LIN7B: variants seen among roughly 807,000 people sequenced by gnomAD.
LIN7B encodes the protein protein lin-7 homolog B.
In LIN7B, 16 loss-of-function variants were observed where a neutral mutation model predicts 27.9. The ratio of observed to expected loss-of-function variants is 0.57; its 90% confidence interval spans 0.39 to 0.87. The LOEUF (loss-of-function observed/expected upper bound fraction) is 0.87. Among genes scored for constraint, LIN7B ranks in the 40% least tolerant of loss-of-function variants. LIN7B has a pLI of 0.00. For synonymous variants in LIN7B, 147 were observed against 120.8 expected (o/e 1.22, Z -1.42); for missense variants, 291 against 288.5 (o/e 1.01, Z -0.06).
intron 1 of LIN7B, 162 bp downstream of exon 1, chr19:49,114,603 C>G: frequency 1.9e-6 from 1 of 532,022 alleles, no homozygotes; most frequent in Non-Finnish European, 2.8e-6. Context: ...GTGTGGGAGG[C>G]TCCCTGGGCG....
At chr19:49,117,802 G>C (rs974636071) in intron 4 of LIN7B, 53 bp from the exon 5 acceptor site, 9 of 1,539,688 alleles carry the variant, frequency 5.8e-6, no homozygotes, top group Non-Finnish European at 7.2e-6. Context: ...CCCAGTGGGG[G>C]CTGGACGAGG....
At chr19:49,116,066 T>A (rs1025769651) in intron 3 of LIN7B, 197 bp from the exon 4 acceptor site, 1 of 559,352 alleles carries the variant, frequency 1.8e-6, no homozygotes, top group African/African-American at 1.9e-5. Flanking sequence ...ACACACCAAA[T>A]GGACACTTTC....
intron 3 of LIN7B, 191 bp from the exon 4 acceptor site, chr19:49,116,072 C>T (rs1413652423): frequency 3.5e-6 from 2 of 564,992 alleles, no homozygotes; most frequent in Non-Finnish European, 6.3e-6. Context: ...CAAATGGACA[C>T]TTTCTCTTGC....
rs201977578 is a variant in LIN7B at position 49,117,893 on chromosome 19, G to C, written c.477G>C (p.Leu159=). The C allele has an allele frequency of 4.3e-4, 686 of 1,613,932 alleles. 4 individuals are homozygous for C. The highest frequency in any genetic ancestry group is 8.2e-4 in the Admixed American group (49 of 59,992). ...AGCAGCATGAGAAGGCGGTGGAGCTGCTGAAGGCGGCCCAGGGCTCGGTGA... is the reference window on the plus strand; with the variant it reads ...AGCAGCATGAGAAGGCGGTGGAGCTCCTGAAGGCGGCCCAGGGCTCGGTGA... ...EGEQHEKAVE[L]LKAAQGSVKL... is the part of the protein sequence containing the mutation. The change falls in exon 5 of 6, where the codon CTG becomes CTC. Residue 159 remains leucine (L), a synonymous_variant. Transcript: ENST00000221459.
Position 49,116,278 on chromosome 19 carries a change from T to C in LIN7B, c.244T>C (p.Phe82Leu). The change falls in exon 4 of 6, where the codon TTC becomes CTC. Residue 82 changes from phenylalanine to leucine, a missense_variant. Phe to Leu is a conservative substitution (Grantham distance 22). Transcript: ENST00000221459. ...HATAKATVAAFTASEGHAHPR... is the reference protein window; with the variant it reads ...HATAKATVAALTASEGHAHPR... ...TCTCTCCCAGGCCACAGTGGCTGCC[T>C]TCACAGCCAGCGAGGGCCACGCACA... The C allele has an allele frequency of 6.2e-7, 1 of 1,613,394 alleles. No individual in the cohort carries two copies. Among genetic ancestry groups the C allele is most frequent in the Non-Finnish European group, 8.5e-7 (1 of 1,179,600 alleles).
intron 5 of LIN7B, 139 bp downstream of exon 5, chr19:49,118,157 G>A: frequency 6.9e-7 from 1 of 1,442,180 alleles, no homozygotes; most frequent in Non-Finnish European, 9.4e-7. Flanking sequence ...CTTGGCCCAG[G>A]CTCTCACCCC....
At chr19:49,117,677 C>T (rs1489881419) in intron 4 of LIN7B, among the ~76,000 whole-genome samples, 178 bp from the exon 5 acceptor site, 3 of 152,170 alleles carry the variant, frequency 2.0e-5, no homozygotes, top group Non-Finnish European at 4.4e-5. Context: ...ACATGGGAAT[C>T]CTGGGAGGTT....
chr19:49,115,525 A>C, intron 3 of LIN7B, 194 bp downstream of exon 3: 1 of 585,660 alleles, frequency 1.7e-6, no homozygotes, highest in East Asian at 3.0e-5. Flanking sequence ...CTGCAAATGG[A>C]AACAGTATGG....
At chr19:49,118,289 C>A in intron 5 of LIN7B, 63 bp from the exon 6 acceptor site, 1 of 1,582,352 alleles carries the variant, frequency 6.3e-7, no homozygotes, top group South Asian at 1.1e-5. Context: ...CAACCCCAGT[C>A]CTGCCCCTCT....
At position 49,115,259 on chromosome 19, in the gene LIN7B, G is replaced by T; in HGVS notation, c.157-1G>T. ...CCTGATGCCGCTGCCTCCTCACCCA[G>T]GTGTATGAGCAGCTTTATGACACGC... On this transcript the variant is annotated splice_acceptor_variant, in intron 2 of 5. Coordinates refer to ENST00000221459, the MANE Select transcript of LIN7B (RefSeq NM_022165.3). LOFTEE classifies it high-confidence loss of function. 6.4e-7 allele frequency: 1 copy of T among 1,553,842 alleles called. No homozygotes were observed. Among genetic ancestry groups the T allele is most frequent in the Non-Finnish European group, 8.7e-7 (1 of 1,147,914 alleles).
intron 4 of LIN7B, among the ~76,000 whole-genome samples, chr19:49,117,182 G>T (rs1334466559): frequency 6.7e-6 from 1 of 150,050 alleles, no homozygotes; most frequent in Non-Finnish European, 1.5e-5. Flanking sequence ...GGAGGCAGAG[G>T]TTGCAGTGAG....
chr19:49,117,688 T>G (rs541997875), intron 4 of LIN7B, among the ~76,000 whole-genome samples, 167 bp from the exon 5 acceptor site: 1 of 152,076 alleles, frequency 6.6e-6, no homozygotes, highest in South Asian at 2.1e-4. Context: ...CTGGGAGGTT[T>G]TGGAGGAGGA....
At chr19:49,114,500 G>T in intron 1 of LIN7B, 59 bp downstream of exon 1, 1 of 1,161,700 alleles carries the variant, frequency 8.6e-7, no homozygotes, top group South Asian at 4.3e-5. Context: ...CCCAGCCCCC[G>T]GTCCCCGCCC....
intron 4 of LIN7B, 46 bp from the exon 5 acceptor site, chr19:49,117,809 G>A (rs779281666): frequency 6.4e-7 from 1 of 1,566,566 alleles, no homozygotes; most frequent in Non-Finnish European, 8.8e-7. Flanking sequence ...GGGGCTGGAC[G>A]AGGGCAGCGG....
At chr19:49,114,754 CTG>C (rs947417865) in intron 1 of LIN7B, 93 bp from the exon 2 acceptor site, 440 of 697,768 alleles carry the variant, frequency 6.3e-4, no homozygotes, top group Non-Finnish European at 8.6e-4. Context: ...CCTCCCCGGA[CTG>C]TGCGCTCGGC....
Position 49,114,980 on chromosome 19 carries a change from C to T in LIN7B, c.156+13C>T. ...CGCTATCCGAGAGGTGAGGGGCGCG[C>T]GGCGCAGGGGCGCGAGCTGGTGGCC... On this transcript the variant is annotated intron_variant, in intron 2 of 5. Coordinates refer to ENST00000221459, the MANE Select transcript of LIN7B (RefSeq NM_022165.3). 2 of 1,398,416 alleles carry T rather than the reference C, an allele frequency of 1.4e-6. No homozygotes were observed. The highest frequency in any genetic ancestry group is 1.5e-5 in the South Asian group (1 of 65,852). The allele number at this position is 1,398,416 out of a possible 1,614,324, so 86.6% of individuals were successfully genotyped here.
In LIN7B at chr19:49,115,312, G is replaced by A. The variant is rs2040807858; in HGVS notation, c.209G>A (p.Arg70Gln). The change falls in exon 3 of 6, where the codon CGA becomes CAA. Residue 70 changes from arginine to glutamine, a missense_variant. Physicochemically the swap from Arg to Gln is conservative, Grantham distance 43. Coordinates refer to ENST00000221459, the MANE Select transcript of LIN7B (RefSeq NM_022165.3). ...GACATCACCGGCAGCGCCGAGATCC[G>A]AGCCCATGCCACAGCCAAGGTGGGC... ...TLDITGSAEIRAHATAKATVA... is the reference protein window; with the variant it reads ...TLDITGSAEIQAHATAKATVA... The A allele has an allele frequency of 6.4e-7, 1 of 1,573,012 alleles. No homozygotes were observed.
chr19:49,116,528 C>A (rs1048162823), intron 4 of LIN7B, 56 bp downstream of exon 4: 4 of 1,490,028 alleles, frequency 2.7e-6, no homozygotes, highest in Non-Finnish European at 3.7e-6. Flanking sequence ...CGTAGCATAG[C>A]CCCTGCTTTT....
At position 49,114,857 on chromosome 19, in the gene LIN7B, CG is replaced by C; in HGVS notation, c.49del (p.Ala17ArgfsTer77). On this transcript the variant is annotated frameshift_variant, in exon 2 of 6. Coordinates refer to ENST00000221459, the MANE Select transcript of LIN7B (RefSeq NM_022165.3). LOFTEE classifies it high-confidence loss of function. The stretch of plus-strand genomic sequence containing the variant: ...CCGCCCCCGCCCCGCAGACGTGTCC[CG>C]GGCGGTTGAGCTCCTCGAGCGGCTC... ...EPLGLERDVS[R>X]AVELLERLQR... 1 of 1,458,932 alleles carries C rather than the reference CG, an allele frequency of 6.9e-7. No individual in the cohort carries two copies. Among genetic ancestry groups the C allele is most frequent in the South Asian group, 1.4e-5 (1 of 73,870 alleles). 90.4% of individuals were successfully genotyped at this position (1,458,932 alleles called of 1,614,324 possible).
Sources: allele counts gnomAD v4.1 joint callset (sites outside exome capture counted in the v4.1 genomes callset), GRCh38; gene constraint gnomAD v4.1.1; transcripts MANE v1.5; gene names NCBI Gene and HGNC (gene_info 2026-07-23, HGNC 2026-07-21).